Variants in LARGE1 observed in about 807,000 individuals in gnomAD.
LARGE1 encodes the protein xylosyl- and glucuronyltransferase LARGE1.
In LARGE1, 43 loss-of-function variants were observed where a neutral mutation model predicts 87.6. The ratio of observed to expected loss-of-function variants is 0.49; its 90% CI spans 0.38 to 0.63. LARGE1 has a LOEUF of 0.63. LARGE1 is among the 30% of genes least tolerant of loss of function. LARGE1 has a pLI of 0.00. For synonymous variants in LARGE1, 434 were observed against 394.6 expected (o/e 1.10, Z -1.18); for missense variants, 802 against 1,000.2 (o/e 0.80, Z 2.67).
At chr22:33,153,860 C>G in the LARGE1 span, among the ~76,000 whole-genome samples, 1 of 152,150 alleles carries the variant, frequency 6.6e-6, no homozygotes, top group Non-Finnish European at 1.5e-5. Flanking sequence ...CCTTCAAATC[C>G]CAGGGGACTG....
intron 1 of LARGE1, among the ~76,000 whole-genome samples, chr22:33,822,144 A>T (rs1476905451): frequency 6.6e-6 from 1 of 152,142 alleles, no homozygotes; most frequent in Non-Finnish European, 1.5e-5. Context: ...ATTAAATCTC[A>T]CTAAGCTGCC....
chr22:33,720,859 A>G (rs950183871), intron 2 of LARGE1, among the ~76,000 whole-genome samples: 29 of 152,198 alleles, frequency 1.9e-4, no homozygotes, highest in African/African-American at 6.8e-4. Flanking sequence ...TTCCTAAGAA[A>G]AGATAAGGCT....
intron 2 of LARGE1, among the ~76,000 whole-genome samples, chr22:33,665,581 A>ATT (rs2081245328): frequency 6.6e-6 from 1 of 152,156 alleles, no homozygotes; most frequent in African/African-American, 2.4e-5. Context: ...AAACGGGTTT[A>ATT]TTGTCCCCAT....
intron 2 of LARGE1, among the ~76,000 whole-genome samples, chr22:33,752,796 T>C (rs1336319359): frequency 6.6e-6 from 1 of 152,190 alleles, no homozygotes; most frequent in Admixed American, 6.5e-5. Flanking sequence ...CCCCAAAAGA[T>C]GTCCACATCC....
chr22:33,393,294 T>A (rs543237271), intron 7 of LARGE1, among the ~76,000 whole-genome samples: 1 of 152,326 alleles, frequency 6.6e-6, no homozygotes, highest in Admixed American at 6.5e-5. Flanking sequence ...TGCGGAAATA[T>A]CCTAATTAAT....
chr22:33,308,790 T>C (rs1208870670), intron 11 of LARGE1, among the ~76,000 whole-genome samples: 1 of 152,130 alleles, frequency 6.6e-6, no homozygotes, highest in Non-Finnish European at 1.5e-5. Context: ...ATCCAAAGAA[T>C]CACAAGCTCA....
intron 11 of LARGE1, among the ~76,000 whole-genome samples, chr22:33,241,636 GTA>G (rs1166147964): frequency 1.3e-5 from 2 of 151,650 alleles, no homozygotes; most frequent in South Asian, 2.1e-4. Context: ...ATGTATATAT[GTA>G]TATATATGTG....
intron 1 of LARGE1, among the ~76,000 whole-genome samples, chr22:33,876,834 A>C (rs1420531679): frequency 9.9e-5 from 15 of 151,944 alleles, no homozygotes; most frequent in Admixed American, 9.8e-4. Context: ...AAAATAAATA[A>C]ATAAAATATA....
At chr22:33,146,954 C>CT in the LARGE1 span, among the ~76,000 whole-genome samples, 2 of 152,160 alleles carry the variant, frequency 1.3e-5, no homozygotes, top group African/African-American at 4.8e-5. Flanking sequence ...TGTCAGTTAT[C>CT]TTTGCCTACT....
chr22:33,793,802 T>A (rs138747911), intron 1 of LARGE1, among the ~76,000 whole-genome samples: 6 of 150,932 alleles, frequency 4.0e-5, no homozygotes, highest in Admixed American at 4.0e-4. Flanking sequence ...TTTTTTTTCA[T>A]AAGAATCTGT....
chr22:33,847,874 TC>T (rs2146477136), intron 1 of LARGE1, among the ~76,000 whole-genome samples: 1 of 152,292 alleles, frequency 6.6e-6, no homozygotes, highest in African/African-American at 2.4e-5. Flanking sequence ...TTCTCCTCCC[TC>T]CAAATAGCTT....
At chr22:33,704,316 A>G (rs934803881) in intron 2 of LARGE1, among the ~76,000 whole-genome samples, 1 of 152,212 alleles carries the variant, frequency 6.6e-6, no homozygotes, top group Non-Finnish European at 1.5e-5. Context: ...AGACAGGGGA[A>G]CTTACTGGAA....
chr22:33,532,050 C>T (rs1276579266), intron 6 of LARGE1, among the ~76,000 whole-genome samples: 2 of 152,210 alleles, frequency 1.3e-5, no homozygotes, highest in Non-Finnish European at 2.9e-5. Flanking sequence ...TAGTGGTGCA[C>T]CACTCTGATG....
intron 6 of LARGE1, among the ~76,000 whole-genome samples, chr22:33,482,316 CTTTCCTT>C (rs1033700834): frequency 1.3e-5 from 2 of 152,178 alleles, no homozygotes; most frequent in African/African-American, 4.8e-5. Flanking sequence ...CTTTTCTCCT[CTTTCCTT>C]TTTCCTTTCT....
At chr22:33,806,186 AAAC>A (rs1282920844) in intron 1 of LARGE1, among the ~76,000 whole-genome samples, 4 of 152,210 alleles carry the variant, frequency 2.6e-5, no homozygotes, top group African/African-American at 9.6e-5. Context: ...GAATGGGATC[AAAC>A]AATATGTGAT....
intron 1 of LARGE1, among the ~76,000 whole-genome samples, chr22:33,850,899 C>T (rs2063565077): frequency 6.6e-6 from 1 of 152,136 alleles, no homozygotes; most frequent in South Asian, 2.1e-4. Flanking sequence ...AGTAACCTAA[C>T]CGGTCTTAAA....
intron 4 of LARGE1, 41 bp from the exon 5 acceptor site, chr22:33,604,599 C>G: frequency 1.2e-6 from 2 of 1,613,290 alleles, no homozygotes; most frequent in Non-Finnish European, 8.5e-7. Context: ...TGGAGAGGTA[C>G]GGCTCTTTGA....
the LARGE1 span, among the ~76,000 whole-genome samples, chr22:33,103,084 T>C: frequency 6.6e-6 from 1 of 151,768 alleles, no homozygotes; most frequent in Non-Finnish European, 1.5e-5. Flanking sequence ...CCTGTGAACA[T>C]GATGGATATT....
chr22:33,369,415 C>CA (rs2064723555), intron 9 of LARGE1, among the ~76,000 whole-genome samples: 1 of 152,156 alleles, frequency 6.6e-6, no homozygotes, highest in African/African-American at 2.4e-5. Context: ...AGCCACAACA[C>CA]AGATTATTTG....
Sources: gnomAD v4.1 joint callset for allele counts (sites outside exome capture counted in the v4.1 genomes callset) on GRCh38, gnomAD v4.1.1 for gene constraint, MANE v1.5 for transcripts, NCBI Gene and HGNC (gene_info 2026-07-23, HGNC 2026-07-21) for gene names.